Variants in PCDHGB6 observed in about 807,000 individuals in gnomAD.
PCDHGB6 encodes protocadherin gamma subfamily B, 6.
In PCDHGB6, 51 loss-of-function variants were observed where a neutral mutation model predicts 59.1. The observed-to-expected ratio is 0.86, with a 90% CI of 0.69 to 1.09. The LOEUF (loss-of-function observed/expected upper bound fraction) is 1.09. PCDHGB6 is among the 50% of genes least tolerant of loss of function. The pLI, the probability that PCDHGB6 is intolerant of heterozygous loss-of-function variation, is 0.00. For missense variants in PCDHGB6, 1,148 were observed against 1,205.1 expected, an observed-to-expected ratio of 0.95 and a Z score of 0.70; for synonymous variants, 466 against 495.1, an observed-to-expected ratio of 0.94 and a Z score of 0.78.
intron 3 of PCDHGB6, among the ~76,000 whole-genome samples, chr5:141,506,202 G>A (rs911181875): frequency 6.6e-6 from 1 of 152,184 alleles, no homozygotes; most frequent in Non-Finnish European, 1.5e-5. Context: ...TGTAATCCCA[G>A]CACTTTGGGA....
chr5:141,421,388 G>A (rs369403750), intron 1 of PCDHGB6: 1 of 1,613,934 alleles, frequency 6.2e-7, no homozygotes, highest in Non-Finnish European at 8.5e-7. Context: ...AAGGACCTGG[G>A]GCTGGAGCCC....
rs556484142 is a variant in PCDHGB6 at position 141,503,243 on chromosome 5, CA to C, written c.2478-2149del. On this transcript the variant is annotated intron_variant, in intron 2 of 3. Coordinates refer to ENST00000520790, the MANE Select transcript of PCDHGB6 (RefSeq NM_018926.3). ...CACCGTAAAGATGGACAGTTTCTAT[CA>C]TACTCACAGCCACAACCCCAGCACC... Among the ~76,000 whole-genome samples, 232 of 152,196 alleles carry C rather than the reference CA, an allele frequency of 1.5e-3. 2 individuals carry two copies. Among genetic ancestry groups the C allele is most frequent in the African/African-American group, 5.3e-3 (219 of 41,516 alleles).
chr5:141,498,009 C>A (rs1160103624), intron 2 of PCDHGB6, among the ~76,000 whole-genome samples: 1 of 152,146 alleles, frequency 6.6e-6, no homozygotes, highest in Non-Finnish European at 1.5e-5. Context: ...TTACAGTGCA[C>A]TGAAGGAGAC....
In PCDHGB6 at chr5:141,409,031, A is replaced by G. The variant is rs748995883; in HGVS notation, c.829A>G (p.Ile277Val). The G allele has an allele frequency of 1.2e-6, 2 of 1,614,032 alleles. No individual in the cohort carries two copies. The highest frequency in any genetic ancestry group is 1.7e-6 in the Non-Finnish European group (2 of 1,179,904). The stretch of plus-strand genomic sequence containing the variant: ...CCAGGATGAGGGGGTCAATGCTGAG[A>G]TAAACTACTACTTCCGAAGCACTGC... ...TDQDEGVNAE[I>V]NYYFRSTAQS... Residue 277 changes from isoleucine to valine, a missense_variant, in exon 1 of 4, where the codon ATA (isoleucine) becomes GTA (valine). Transcript: ENST00000520790.
In PCDHGB6 at chr5:141,422,632, G is replaced by T. The variant is rs199543811; in HGVS notation, c.2418+12012G>T. ...CTACATTCCCGAAAACAACCCCAGGGGTGCCTCCATCTTCTCAGTGACCGC... is the reference window on the plus strand; with the variant it reads ...CTACATTCCCGAAAACAACCCCAGGTGTGCCTCCATCTTCTCAGTGACCGC... On this transcript the variant is annotated intron_variant, in intron 1 of 3. Coordinates refer to ENST00000520790, the MANE Select transcript of PCDHGB6 (RefSeq NM_018926.3). 4,245 of 1,613,132 alleles carry T rather than the reference G, an allele frequency of 2.6e-3. 5 individuals carry two copies. The highest frequency in any genetic ancestry group is 3.2e-3 in the Admixed American group (193 of 59,948).
chr5:141,477,564 A>T lies in PCDHGB6; in HGVS notation c.2419-17243A>T. 2 of 1,613,924 alleles carry T rather than the reference A, an allele frequency of 1.2e-6. No individual in the cohort carries two copies. The highest frequency in any genetic ancestry group is 1.7e-6 in the Non-Finnish European group (2 of 1,179,980). On this transcript the variant is annotated intron_variant, in intron 1 of 3. Coordinates refer to ENST00000520790, the MANE Select transcript of PCDHGB6 (RefSeq NM_018926.3). The surrounding 1 kb of genome is among the most constrained non-coding windows in gnomAD (Gnocchi z 4.9). ...CCAATACTAAACCTAAGTGTCTGGG[A>T]CCCCGACGCCCCGCAGAATGCTCGG... is the stretch of plus-strand genomic sequence containing the variant.
intron 1 of PCDHGB6, chr5:141,413,731 G>A (rs1008251304): frequency 6.2e-7 from 1 of 1,613,454 alleles, no homozygotes; most frequent in South Asian, 1.1e-5. Context: ...CTCCCTAAGA[G>A]TTCAGAGCCG....
Position 141,485,168 on chromosome 5 carries a change from G to A in PCDHGB6, c.2419-9639G>A. The A allele has an allele frequency of 6.2e-7, 1 of 1,608,668 alleles. No individual in the cohort carries two copies. Among genetic ancestry groups the A allele is most frequent in the Non-Finnish European group, 8.5e-7 (1 of 1,175,736 alleles). ...GGAGCAAGTAGAGAATTAGCGGGCG[G>A]CAGCAATGCTCCGCAAGGTGAGAAG... is the stretch of plus-strand genomic sequence containing the variant. On this transcript the variant is annotated intron_variant, in intron 1 of 3. Coordinates refer to ENST00000520790, the MANE Select transcript of PCDHGB6 (RefSeq NM_018926.3). This position sits in a 1 kb window ranked among gnomAD's most constrained non-coding sequence, Gnocchi z 5.7.
In PCDHGB6 at chr5:141,481,831, G is replaced by A. The variant is rs35816779; in HGVS notation, c.2419-12976G>A. On this transcript the variant is annotated intron_variant, in intron 1 of 3. Coordinates refer to ENST00000520790, the MANE Select transcript of PCDHGB6 (RefSeq NM_018926.3). ...ACCAGGCGTGGTGGCTGAGGCAGGAGAATCGCTTGATGGTGGAGGTTGCAG... is the reference window on the plus strand; with the variant it reads ...ACCAGGCGTGGTGGCTGAGGCAGGAAAATCGCTTGATGGTGGAGGTTGCAG... Among the ~76,000 whole-genome samples the A allele has an allele frequency of 1.9e-3, 280 of 149,560 alleles. 1 individual carries two copies. The highest frequency in any genetic ancestry group is 0.01 in the Middle Eastern group (3 of 290).
At chr5:141,414,633 A>C (rs1368963927) in intron 1 of PCDHGB6, 1 of 1,613,988 alleles carries the variant, frequency 6.2e-7, no homozygotes, top group South Asian at 1.1e-5. Context: ...CGGACAGCAA[A>C]GAGAATGCCC....
At chr5:141,443,090 C>T (rs1403922939) in intron 1 of PCDHGB6, among the ~76,000 whole-genome samples, 3 of 151,926 alleles carry the variant, frequency 2.0e-5, no homozygotes, top group Non-Finnish European at 2.9e-5. Context: ...TTCCAGTCTC[C>T]TTCTCAAGCT....
Position 141,487,831 on chromosome 5 carries a change from A to G in PCDHGB6, c.2419-6976A>G, listed in dbSNP as rs1001896359. ...TTAGCATTGGGGGCGGGTCATGCCTATATCTGAGTAAGAAATGAAAGTAAT... is the reference window on the plus strand; with the variant it reads ...TTAGCATTGGGGGCGGGTCATGCCTGTATCTGAGTAAGAAATGAAAGTAAT... On this transcript the variant is annotated intron_variant, in intron 1 of 3. Transcript: ENST00000520790. This position sits in a 1 kb window ranked among gnomAD's most constrained non-coding sequence, Gnocchi z 5.0. The G allele has an allele frequency of 1.1e-5, 13 of 1,144,204 alleles. No homozygotes were observed. Among genetic ancestry groups the G allele is most frequent in the Non-Finnish European group, 1.6e-5 (13 of 818,302 alleles). 70.9% of individuals were successfully genotyped at this position (1,144,204 alleles called of 1,614,324 possible). A position where few individuals can be genotyped will look rare whatever the true frequency, so the allele number is the denominator to read the frequency against.
intron 3 of PCDHGB6, among the ~76,000 whole-genome samples, chr5:141,508,738 A>C (rs1596171196): frequency 7.1e-5 from 10 of 141,304 alleles, no homozygotes; most frequent in Admixed American, 1.4e-4. Context: ...TACACCCCCC[A>C]CCCCGCTCTT....
rs539348000 is a variant in PCDHGB6 at position 141,504,908 on chromosome 5, G to A, written c.2478-485G>A. 5.9e-5 allele frequency among the ~76,000 whole-genome samples: 9 copies of A among 152,208 alleles called. No homozygotes were observed. In the East Asian group the frequency reaches 1.7e-3, roughly 29 times the overall value. On this transcript the variant is annotated intron_variant, in intron 2 of 3. Coordinates refer to ENST00000520790, the MANE Select transcript of PCDHGB6 (RefSeq NM_018926.3). Reference sequence around the variant, plus strand: ...AGGTCTGATCTCCCTCACTATGACAGGAAGCCAGGCTCTCTCATGGTGGGT... The same window carrying A: ...AGGTCTGATCTCCCTCACTATGACAAGAAGCCAGGCTCTCTCATGGTGGGT...
intron 1 of PCDHGB6, among the ~76,000 whole-genome samples, chr5:141,468,791 G>A (rs941787269): frequency 2.6e-5 from 4 of 151,954 alleles, no homozygotes; most frequent in East Asian, 3.9e-4. Context: ...GCGTGAACCC[G>A]GGAGGCGGAA....
rs2099883850 is a variant in PCDHGB6, at chr5:141,511,565, A to T, written c.*392A>T. The T allele has an allele frequency of 3.4e-6, 1 of 295,974 alleles. No homozygotes were observed. Among genetic ancestry groups the T allele is most frequent in the African/African-American group, 2.2e-5 (1 of 46,502 alleles). The allele number at this position is 295,974 out of a possible 1,614,324, so 18.3% of individuals were successfully genotyped here. The stretch of plus-strand genomic sequence containing the variant: ...CCACTCCAACAGTTCCTCTTTCCCG[A>T]GTAAGGTGGTTGGGGTGTTGAAGTA... On this transcript the variant is annotated 3_prime_UTR_variant, in exon 4 of 4. Coordinates refer to ENST00000520790, the MANE Select transcript of PCDHGB6 (RefSeq NM_018926.3).
rs544678317 is a variant in PCDHGB6, at chr5:141,430,911, A to C, written c.2418+20291A>C. The C allele has an allele frequency of 1.9e-5, 31 of 1,607,958 alleles. No homozygotes were observed. The Admixed American group carries it at 2.2e-4, about 11-fold the overall frequency. ...TCTAGGGTGGGCGACATCTCCAGGG[A>C]CCTGGGGCTGGAGCCCCGGGAGCTC... On this transcript the variant is annotated intron_variant, in intron 1 of 3. Transcript: ENST00000520790.
At chr5:141,470,862 G>T (rs1363111218) in intron 1 of PCDHGB6, among the ~76,000 whole-genome samples, 1 of 151,596 alleles carries the variant, frequency 6.6e-6, no homozygotes, top group Non-Finnish European at 1.5e-5. Context: ...TAAGTTTTTT[G>T]TTTGTTTGTT....
rs1423149 is a variant in PCDHGB6, at chr5:141,487,780, C to G, written c.2419-7027C>G. ...TAGACGCTGTGCTTTGTAACTGTTTCGTGAATTAACCAGAGTTGTCACAGT... is the reference window on the plus strand; with the variant it reads ...TAGACGCTGTGCTTTGTAACTGTTTGGTGAATTAACCAGAGTTGTCACAGT... On this transcript the variant is annotated intron_variant, in intron 1 of 3. Transcript: ENST00000520790. This position sits in a 1 kb window ranked among gnomAD's most constrained non-coding sequence, Gnocchi z 5.0. 6.6e-7 allele frequency: 1 copy of G among 1,526,704 alleles called. No individual in the cohort carries two copies. The allele number at this position is 1,526,704 out of a possible 1,614,324, so 94.6% of individuals were successfully genotyped here. A position where few individuals can be genotyped will look rare whatever the true frequency, so the allele number is the denominator to read the frequency against.
Sources: gnomAD v4.1 joint callset for allele counts (sites outside exome capture counted in the v4.1 genomes callset) on GRCh38, gnomAD v4.1.1 for gene constraint, Gnocchi (gnomAD v3.1) non-coding constraint, MANE v1.5 for transcripts, NCBI Gene and HGNC (gene_info 2026-07-23, HGNC 2026-07-21) for gene names.